SLC6A5: variants seen among roughly 807,000 people sequenced by gnomAD.
SLC6A5 encodes the protein sodium- and chloride-dependent glycine transporter 2.
Under a neutral mutation model 90.5 loss-of-function variants are expected in SLC6A5, and 58 were observed. The observed-to-expected ratio is 0.64, with a 90% CI of 0.52 to 0.80. The LOEUF is 0.80. SLC6A5 is among the 30% of genes least tolerant of loss of function. The pLI is 0.00. For synonymous variants in SLC6A5, 427 were observed against 401.4 expected, an observed-to-expected ratio of 1.06 and a Z score of -0.76; for missense variants, 1,015 against 1,017.6, an observed-to-expected ratio of 1.00 and a Z score of 0.03.
At chr11:20,654,455 C>A (rs1212232441) in intron 15 of SLC6A5, among the ~76,000 whole-genome samples, 1 of 152,172 alleles carries the variant, frequency 6.6e-6, no homozygotes, top group Non-Finnish European at 1.5e-5. Flanking sequence ...AAGGCAAACA[C>A]AGAGCAATTG....
rs1853666688 is a variant in SLC6A5, at chr11:20,658,772, C to T, written c.*3904C>T. The T allele has an allele frequency of 6.6e-6, 1 of 152,148 alleles. No homozygotes were observed. The allele number at this position is 152,148 out of a possible 1,614,324, so 9.4% of individuals were successfully genotyped here. On this transcript the variant is annotated 3_prime_UTR_variant, in exon 16 of 16. Transcript: ENST00000525748. ...GCCTGCCACGGATTAAATACATCTT[C>T]AGGTAACCATTTGCCTTACAGGTGT...
rs369426948 is a variant in SLC6A5, at chr11:20,626,864, T to C, written c.1395+22T>C. 27 of 1,611,572 alleles carry C rather than the reference T, an allele frequency of 1.7e-5. No homozygotes were observed. The African/African-American group carries it at 2.9e-4, about 18-fold the overall frequency. Reference sequence around the variant, plus strand: ...CACGGTGGGCTTCTAATTTTATCTATAACCAGCCCTGGGGGAGTGGCCCTC... The same window carrying C: ...CACGGTGGGCTTCTAATTTTATCTACAACCAGCCCTGGGGGAGTGGCCCTC... On this transcript the variant is annotated intron_variant, in intron 8 of 15. Transcript: ENST00000525748.
At chr11:20,621,393 C>T (rs955727434) in intron 7 of SLC6A5, among the ~76,000 whole-genome samples, 4 of 152,176 alleles carry the variant, frequency 2.6e-5, no homozygotes, top group Admixed American at 2.6e-4. Context: ...AATGGCATTG[C>T]AGCCAGTTCT....
At chr11:20,614,165 C>A (rs1436043811) in intron 5 of SLC6A5, among the ~76,000 whole-genome samples, 3 of 152,098 alleles carry the variant, frequency 2.0e-5, no homozygotes, top group Non-Finnish European at 2.9e-5. Context: ...TCTTAGAAAG[C>A]CTTCTGTAGC....
intron 10 of SLC6A5, among the ~76,000 whole-genome samples, chr11:20,634,795 TA>T (rs1227483428): frequency 6.6e-6 from 1 of 152,144 alleles, no homozygotes; most frequent in Non-Finnish European, 1.5e-5. Flanking sequence ...AATTCCAGTT[TA>T]AAAAAGTGCT....
chr11:20,639,061 A>AT (rs1428581642), intron 13 of SLC6A5, among the ~76,000 whole-genome samples: 2 of 152,036 alleles, frequency 1.3e-5, no homozygotes, highest in East Asian at 3.9e-4. Flanking sequence ...TCAATCTCAG[A>AT]TTTTTCCAGG....
intron 5 of SLC6A5, among the ~76,000 whole-genome samples, chr11:20,614,155 T>C (rs1852742536): frequency 6.6e-6 from 1 of 152,168 alleles, no homozygotes; most frequent in Non-Finnish European, 1.5e-5. Context: ...AAGGTGAACT[T>C]CTTAGAAAGC....
chr11:20,644,400 C>T (rs971039106), intron 13 of SLC6A5, among the ~76,000 whole-genome samples: 7 of 152,166 alleles, frequency 4.6e-5, no homozygotes, highest in South Asian at 2.1e-4. Flanking sequence ...TGTTATCACT[C>T]GTGACATCAT....
At chr11:20,644,416 C>T (rs1452229796) in intron 13 of SLC6A5, among the ~76,000 whole-genome samples, 2 of 152,210 alleles carry the variant, frequency 1.3e-5, no homozygotes, top group Non-Finnish European at 2.9e-5. Context: ...ATCATCTCCA[C>T]TCTTTCAAAA....
At chr11:20,604,490 A>G (rs1852540312) in intron 3 of SLC6A5, 66 bp downstream of exon 3, 1 of 1,580,968 alleles carries the variant, frequency 6.3e-7, no homozygotes, top group Non-Finnish European at 8.6e-7. Context: ...TGGGTGGGAC[A>G]GGAGCCCTCA....
chr11:20,619,127 C>CAT (rs1280184007), intron 7 of SLC6A5, among the ~76,000 whole-genome samples: 1 of 152,088 alleles, frequency 6.6e-6, no homozygotes, highest in African/African-American at 2.4e-5. Context: ...ATTCTGAGAC[C>CAT]ATAGGTTGTG....
chr11:20,641,500 CA>C (rs58264546), intron 13 of SLC6A5, among the ~76,000 whole-genome samples: 6,734 of 152,108 alleles, frequency 0.044, 500 homozygotes, highest in African/African-American at 0.15. Context: ...CAAAACCCCC[CA>C]AAAACAACAA....
At chr11:20,629,828 C>T (rs1427586685) in intron 9 of SLC6A5, among the ~76,000 whole-genome samples, 1 of 151,214 alleles carries the variant, frequency 6.6e-6, no homozygotes, top group Non-Finnish European at 1.5e-5. Context: ...CTCCCAGGTT[C>T]AAGCAATTCA....
chr11:20,601,743 T>G (rs918898234), intron 2 of SLC6A5, 78 bp downstream of exon 2: 1 of 1,468,618 alleles, frequency 6.8e-7, no homozygotes, highest in Non-Finnish European at 9.3e-7. Flanking sequence ...CCGTGGCGGG[T>G]GCACGTATGC....
chr11:20,600,399 G>GAA lies in SLC6A5; in HGVS notation c.3+725_3+726dup, dbSNP rs1555037541. On this transcript the variant is annotated intron_variant, in intron 1 of 15. Coordinates refer to ENST00000525748, the MANE Select transcript of SLC6A5 (RefSeq NM_004211.5). Reference sequence around the variant, plus strand: ...AGAAGAAGAAGAAGAAGAAGAAGAAGAAGAAGAAGAAGACCTAAACAAAAG... The same window carrying GAA: ...AGAAGAAGAAGAAGAAGAAGAAGAAGAAAAGAAGAAGAAGACCTAAACAAAAG... 8.8e-4 allele frequency among the ~76,000 whole-genome samples: 123 copies of GAA among 139,154 alleles called. 2 individuals carry two copies. The highest frequency in any genetic ancestry group is 3.5e-3 in the Middle Eastern group (1 of 282). The allele number at this position is 139,154 out of a possible 152,430, so 91.3% of individuals were successfully genotyped here.
chr11:20,621,899 C>A (rs1852897425), intron 7 of SLC6A5, among the ~76,000 whole-genome samples: 1 of 152,214 alleles, frequency 6.6e-6, no homozygotes, highest in Non-Finnish European at 1.5e-5. Context: ...GACCAGCAGG[C>A]AGCCTGAAGG....
intron 3 of SLC6A5, among the ~76,000 whole-genome samples, chr11:20,605,893 T>A (rs773468678): frequency 4.6e-5 from 7 of 152,242 alleles, no homozygotes; most frequent in Non-Finnish European, 7.3e-5. Flanking sequence ...CCGGTTTTAC[T>A]GCCCAGCAGC....
chr11:20,614,606 C>A (rs991677765), intron 5 of SLC6A5, 73 bp from the exon 6 acceptor site: 19 of 1,460,914 alleles, frequency 1.3e-5, no homozygotes, highest in Non-Finnish European at 1.8e-5. Flanking sequence ...TGTTTTTAAA[C>A]TGCTGCAGAG....
intron 14 of SLC6A5, 136 bp downstream of exon 14, chr11:20,647,070 G>A: frequency 2.8e-6 from 2 of 718,092 alleles, no homozygotes; most frequent in South Asian, 1.5e-5. Flanking sequence ...TGGTGGTCTT[G>A]TCTTTCAAAT....
Sources: allele counts gnomAD v4.1 joint callset (sites outside exome capture counted in the v4.1 genomes callset), GRCh38; gene constraint gnomAD v4.1.1; transcripts MANE v1.5; gene names NCBI Gene and HGNC (gene_info 2026-07-23, HGNC 2026-07-21).